Variants in NRXN1 observed in about 807,000 individuals in gnomAD.
NRXN1 encodes the protein neurexin 1, also known as neurexin-1.
Under a neutral mutation model 150.9 loss-of-function variants are expected in NRXN1, and 39 were observed. The observed-to-expected ratio is 0.26, with a 90% CI of 0.20 to 0.34. The LOEUF (loss-of-function observed/expected upper bound fraction) is 0.34, where lower values mean the gene tolerates loss of function less well. Ranked by LOEUF, NRXN1 falls within the 10% of genes least tolerant of loss-of-function variation. The pLI is 1.00. For synonymous variants in NRXN1, 924 were observed against 757.0 expected (o/e 1.22, Z -3.62); for missense variants, 1,815 against 1,949.9 (o/e 0.93, Z 1.30).
At chr2:50,223,300 A>G (rs181740520) in intron 18 of NRXN1, among the ~76,000 whole-genome samples, 17 of 152,120 alleles carry the variant, frequency 1.1e-4, no homozygotes, top group African/African-American at 3.4e-4. Flanking sequence ...TCACATAACA[A>G]TTAACAATAT....
chr2:50,998,370 G>A (rs537099776), intron 2 of NRXN1, among the ~76,000 whole-genome samples: 1 of 106,210 alleles, frequency 9.4e-6, no homozygotes, highest in South Asian at 3.0e-4. Flanking sequence ...AAATACAGAA[G>A]CCATTTCTTG....
intron 5 of NRXN1, among the ~76,000 whole-genome samples, chr2:50,844,389 C>T (rs950702733): frequency 1.3e-5 from 2 of 152,188 alleles, no homozygotes; most frequent in Non-Finnish European, 2.9e-5. Context: ...ATTCTGTTCA[C>T]TTATGGTGAC....
At chr2:50,650,174 G>A (rs778033372) in intron 5 of NRXN1, among the ~76,000 whole-genome samples, 9 of 152,058 alleles carry the variant, frequency 5.9e-5, no homozygotes, top group Admixed American at 1.3e-4. Context: ...AACCTCTGGT[G>A]AGGTAGTTAG....
At chr2:50,684,492 A>T (rs1337600390) in intron 5 of NRXN1, among the ~76,000 whole-genome samples, 3 of 152,140 alleles carry the variant, frequency 2.0e-5, no homozygotes, top group Non-Finnish European at 4.4e-5. Flanking sequence ...ACAGAGCAAG[A>T]TCCTGTCTCA....
intron 17 of NRXN1, among the ~76,000 whole-genome samples, chr2:50,435,034 A>G (rs1324719004): frequency 2.0e-5 from 3 of 152,244 alleles, no homozygotes; most frequent in Non-Finnish European, 2.9e-5. Context: ...AAATGCAAAT[A>G]ACATATTGAA....
chr2:50,832,978 A>C (rs1308963880), intron 5 of NRXN1, among the ~76,000 whole-genome samples: 1 of 152,218 alleles, frequency 6.6e-6, no homozygotes, highest in African/African-American at 2.4e-5. Flanking sequence ...ACATTCAGAA[A>C]ACCTACAAAT....
rs1558495798 is a variant in NRXN1, at chr2:49,918,908, C to T, written c.*3036G>A. The T allele has an allele frequency of 6.6e-6, 1 of 152,058 alleles. No homozygotes were observed. The highest frequency in any genetic ancestry group is 1.5e-5 in the Non-Finnish European group (1 of 67,956). 9.4% of individuals were successfully genotyped at this position (152,058 alleles called of 1,614,324 possible). On this transcript the variant is annotated 3_prime_UTR_variant, in exon 23 of 23. Transcript: ENST00000401669. ...TTAACAAAACAGTAAATTCCACTTGCTTAGCATTTCCAATAATGGATAAAT... is the reference window on the plus strand; with the variant it reads ...TTAACAAAACAGTAAATTCCACTTGTTTAGCATTTCCAATAATGGATAAAT...
chr2:50,713,558 G>C (rs1559158108), intron 5 of NRXN1, among the ~76,000 whole-genome samples: 1 of 152,104 alleles, frequency 6.6e-6, no homozygotes, highest in Non-Finnish European at 1.5e-5. Flanking sequence ...TCAGCATGGA[G>C]AGAGAAAAAA....
At chr2:50,133,220 A>G (rs1705817127) in intron 18 of NRXN1, among the ~76,000 whole-genome samples, 1 of 128,272 alleles carries the variant, frequency 7.8e-6, no homozygotes, top group African/African-American at 2.8e-5. Flanking sequence ...CTGACATTCA[A>G]TGCTTGAAGA....
At chr2:50,797,259 T>C (rs1189035982) in intron 5 of NRXN1, among the ~76,000 whole-genome samples, 2 of 152,114 alleles carry the variant, frequency 1.3e-5, no homozygotes, top group Non-Finnish European at 2.9e-5. Context: ...TTCCTCTGTA[T>C]CATAGACAAG....
chr2:50,093,310 T>A (rs1699819024), intron 18 of NRXN1, among the ~76,000 whole-genome samples: 1 of 151,896 alleles, frequency 6.6e-6, no homozygotes, highest in Non-Finnish European at 1.5e-5. Context: ...TATACTAAAG[T>A]CTCTGCAGCT....
rs541906461 is a variant in NRXN1, at chr2:50,834,310, T to G, written c.832+87559A>C. 1.4e-4 allele frequency among the ~76,000 whole-genome samples: 21 copies of G among 152,294 alleles called. No individual in the cohort carries two copies. The South Asian group carries it at 4.3e-3, about 32-fold the overall frequency. On this transcript the variant is annotated intron_variant, in intron 5 of 22. Transcript: ENST00000401669. Reference sequence around the variant, plus strand: ...GTGAACAAGGGACAATAATAAATCATAACTGTCAATTTTGCTCAAAATATG... The same window carrying G: ...GTGAACAAGGGACAATAATAAATCAGAACTGTCAATTTTGCTCAAAATATG...
chr2:50,737,525 C>T (rs1008412048), intron 5 of NRXN1, among the ~76,000 whole-genome samples: 1 of 152,072 alleles, frequency 6.6e-6, no homozygotes, highest in African/African-American at 2.4e-5. Flanking sequence ...GGGATGTGAA[C>T]CCAGGTTGTA....
intron 18 of NRXN1, among the ~76,000 whole-genome samples, chr2:50,179,908 G>C (rs1384041009): frequency 6.6e-6 from 1 of 151,990 alleles, no homozygotes; most frequent in East Asian, 1.9e-4. Context: ...TAATCGGTTT[G>C]ATTTTTCATA....
intron 17 of NRXN1, among the ~76,000 whole-genome samples, chr2:50,360,282 G>A (rs1364513898): frequency 6.6e-6 from 1 of 152,166 alleles, no homozygotes; most frequent in African/African-American, 2.4e-5. Flanking sequence ...AAATGTAAAT[G>A]GGCCAAATGC....
intron 17 of NRXN1, among the ~76,000 whole-genome samples, chr2:50,376,427 C>G (rs894628844): frequency 2.0e-5 from 3 of 151,528 alleles, no homozygotes; most frequent in Admixed American, 6.6e-5. Context: ...CCCTTAAACT[C>G]CGCAATGTAT....
At chr2:50,839,768 G>C (rs765135182) in intron 5 of NRXN1, among the ~76,000 whole-genome samples, 1 of 152,120 alleles carries the variant, frequency 6.6e-6, no homozygotes, top group Non-Finnish European at 1.5e-5. Flanking sequence ...AGTGAGTACA[G>C]ACAGAGAAGA....
At chr2:50,741,076 C>T (rs972715059) in intron 5 of NRXN1, among the ~76,000 whole-genome samples, 1 of 152,094 alleles carries the variant, frequency 6.6e-6, no homozygotes, top group Non-Finnish European at 1.5e-5. Flanking sequence ...ATAATTGTGT[C>T]TCCCTGCCTG....
chr2:50,721,423 A>G (rs1212038747), intron 5 of NRXN1, among the ~76,000 whole-genome samples: 1 of 152,206 alleles, frequency 6.6e-6, no homozygotes, highest in East Asian at 1.9e-4. Flanking sequence ...CTAACAACAA[A>G]TATGTAGCAT....
Sources: gnomAD v4.1 joint callset for allele counts (sites outside exome capture counted in the v4.1 genomes callset) on GRCh38, gnomAD v4.1.1 for gene constraint, MANE v1.5 for transcripts, NCBI Gene and HGNC (gene_info 2026-07-23, HGNC 2026-07-21) for gene names.